The following FAM83D variants were observed in gnomAD, a reference collection of about 807,000 sequenced individuals.
The protein encoded by FAM83D is protein FAM83D.
In FAM83D, 26 loss-of-function variants were observed where a neutral mutation model predicts 25.4. The observed-to-expected ratio is 1.02, with a 90% CI of 0.75 to 1.42. The LOEUF (loss-of-function observed/expected upper bound fraction) is 1.42, where lower values mean the gene tolerates loss of function less well. Ranked by LOEUF, FAM83D falls within the 40% of genes most tolerant of loss-of-function variation. FAM83D has a pLI of 0.00. For missense variants in FAM83D, 740 were observed against 758.1 expected (o/e 0.98, Z 0.28); for synonymous variants, 310 against 318.5 (o/e 0.97, Z 0.28).
rs151316853 is a variant in FAM83D at position 38,931,549 on chromosome 20, G to A, written c.483+4624G>A. 6.2e-4 allele frequency among the ~76,000 whole-genome samples: 94 copies of A among 152,368 alleles called. No homozygotes were observed. The East Asian group carries it at 0.018, about 28-fold the overall frequency. The stretch of plus-strand genomic sequence containing the variant: ...GAGGTTGGGGCCAGGCTGCAGTAGA[G>A]CACGGTCGAACCTCAGTGTTCGCTC... On this transcript the variant is annotated intron_variant, in intron 1 of 3. Transcript: ENST00000619850.
In FAM83D at chr20:38,951,823, G is replaced by A; in HGVS notation, c.1061G>A (p.Gly354Asp). 6.2e-7 allele frequency: 1 copy of A among 1,614,188 alleles called. No individual in the cohort carries two copies. The change falls in exon 4 of 4, where the codon GGC (glycine) becomes GAC (aspartate). Residue 354 changes from glycine (G) to aspartate (D), a missense_variant. This residue lies in a region of FAM83D where 375 missense variants were observed against 403.2 expected (regional missense o/e 0.93). Coordinates refer to ENST00000619850, the MANE Select transcript of FAM83D (RefSeq NM_030919.3). Reference sequence around the variant, plus strand: ...CTGGACCCAGAGATGCCCGCAGAGGGCAAGGCAGAGCGCAAGCCCCATGAC... The same window carrying A: ...CTGGACCCAGAGATGCCCGCAGAGGACAAGGCAGAGCGCAAGCCCCATGAC... Reference protein sequence around the residue: ...ADLDPEMPAEGKAERKPHDCE... With the variant: ...ADLDPEMPAEDKAERKPHDCE...
Position 38,929,614 on chromosome 20 carries a change from TA to T in FAM83D, c.483+2705del, listed in dbSNP as rs769568783. The stretch of plus-strand genomic sequence containing the variant: ...GGTCCCAAAGACAATCTCTTTTGTT[TA>T]AAAAAAAAAAAAAAAGCCAGGCCAT... On this transcript the variant is annotated intron_variant, in intron 1 of 3. Coordinates refer to ENST00000619850, the MANE Select transcript of FAM83D (RefSeq NM_030919.3). 8.3e-3 allele frequency among the ~76,000 whole-genome samples: 1,119 copies of T among 134,258 alleles called. 2 individuals are homozygous for T. Among genetic ancestry groups the T allele is most frequent in the African/African-American group, 0.014 (528 of 36,428 alleles). The allele number at this position is 134,258 out of a possible 152,430, so 88.1% of individuals were successfully genotyped here. A position where few individuals can be genotyped will look rare whatever the true frequency, so the allele number is the denominator to read the frequency against.
rs1269191670 is a variant in FAM83D, at chr20:38,945,750, AC to A, written c.652-2122del. Among the ~76,000 whole-genome samples, 14 of 51,712 alleles carry A rather than the reference AC, an allele frequency of 2.7e-4. No homozygotes were observed. In the Middle Eastern group the frequency reaches 0.033, roughly 120 times the overall value. The allele number at this position is 51,712 out of a possible 152,430, so 33.9% of individuals were successfully genotyped here. ...GACCTGCCCCCACCCCCCCCCCACC[AC>A]CCCACCCCCCGTTTTTTTTTTTAAG... On this transcript the variant is annotated intron_variant, in intron 2 of 3. Coordinates refer to ENST00000619850, the MANE Select transcript of FAM83D (RefSeq NM_030919.3).
intron 1 of FAM83D, among the ~76,000 whole-genome samples, chr20:38,933,957 C>T (rs976479987): frequency 1.3e-5 from 2 of 151,766 alleles, no homozygotes; most frequent in African/African-American, 4.8e-5. Flanking sequence ...CGGGTTCAAG[C>T]GATTCCCCTG....
At position 38,948,005 on chromosome 20, in the gene FAM83D, GTC is replaced by G. The variant is rs2085736074; in HGVS notation, c.776+9_776+10del. The stretch of plus-strand genomic sequence containing the variant: ...CGTGGCAACAGGCTCCTACAGGTAA[GTC>G]TCTAACCCGTCCAAGGCTTATTAAT... On this transcript the variant is annotated splice_donor_region_variant and intron_variant, in intron 3 of 3. Coordinates refer to ENST00000619850, the MANE Select transcript of FAM83D (RefSeq NM_030919.3). The G allele has an allele frequency of 1.2e-6, 2 of 1,613,982 alleles. No individual in the cohort carries two copies. Among genetic ancestry groups the G allele is most frequent in the Admixed American group, 1.7e-5 (1 of 59,996 alleles).
chr20:38,933,210 C>T (rs1309166852), intron 1 of FAM83D, among the ~76,000 whole-genome samples: 2 of 152,206 alleles, frequency 1.3e-5, no homozygotes, highest in Non-Finnish European at 2.9e-5. Flanking sequence ...CCCCCATTCA[C>T]TCGATGCCAA....
chr20:38,946,543 A>G (rs1161963389), intron 2 of FAM83D, among the ~76,000 whole-genome samples: 1 of 152,188 alleles, frequency 6.6e-6, no homozygotes, highest in Non-Finnish European at 1.5e-5. Flanking sequence ...TTCCATCACC[A>G]CAAAGATCTC....
At position 38,926,751 on chromosome 20, in the gene FAM83D, C is replaced by G. The variant is rs1480214425; in HGVS notation, c.309C>G (p.Pro103=). ...SHDCSSGTYF[P]EQSDLEPPLL... ...ACTGCTCTTCGGGCACCTACTTCCCCGAGCAGTCGGACCTGGAGCCACCGC... is the reference window on the plus strand; with the variant it reads ...ACTGCTCTTCGGGCACCTACTTCCCGGAGCAGTCGGACCTGGAGCCACCGC... Residue 103 remains proline, a synonymous_variant, in exon 1 of 4, where the codon CCC becomes CCG. Coordinates refer to ENST00000619850, the MANE Select transcript of FAM83D (RefSeq NM_030919.3). The G allele has an allele frequency of 1.3e-6, 2 of 1,538,528 alleles. No homozygotes were observed. The highest frequency in any genetic ancestry group is 1.7e-6 in the Non-Finnish European group (2 of 1,148,928).
chr20:38,942,397 A>T (rs1013750744), intron 2 of FAM83D, among the ~76,000 whole-genome samples: 2 of 152,246 alleles, frequency 1.3e-5, no homozygotes, highest in Non-Finnish European at 2.9e-5. Flanking sequence ...CAAAGAGTGG[A>T]AACAATCCAA....
At chr20:38,947,217 G>A (rs2085732188) in intron 2 of FAM83D, among the ~76,000 whole-genome samples, 2 of 152,190 alleles carry the variant, frequency 1.3e-5, no homozygotes, top group South Asian at 4.1e-4. Flanking sequence ...GCATACATGT[G>A]CAGTATATTG....
In FAM83D at chr20:38,926,537, G is replaced by T; in HGVS notation, c.95G>T (p.Arg32Leu). 1 of 1,587,022 alleles carries T rather than the reference G, an allele frequency of 6.3e-7. No individual in the cohort carries two copies. The change falls in exon 1 of 4, where the codon CGG (arginine) becomes CTG (leucine). Residue 32 changes from arginine to leucine, a missense_variant. Coordinates refer to ENST00000619850, the MANE Select transcript of FAM83D (RefSeq NM_030919.3). ...PNPTELFSES[R>L]RLALEELVAG... ...CCGACCGAGCTGTTCAGCGAGTCAC[G>T]GCGCCTGGCTCTGGAGGAGCTGGTG...
intron 3 of FAM83D, among the ~76,000 whole-genome samples, chr20:38,948,684 G>C (rs1220408209): frequency 1.3e-5 from 2 of 152,180 alleles, no homozygotes; most frequent in Non-Finnish European, 2.9e-5. Context: ...ATTGTCTGAT[G>C]GTTTGCATGA....
intron 1 of FAM83D, among the ~76,000 whole-genome samples, chr20:38,937,993 C>A (rs919652844): frequency 6.6e-6 from 1 of 152,104 alleles, no homozygotes; most frequent in Admixed American, 6.5e-5. Context: ...TTTTAAGAGT[C>A]CTGCTTTAGT....
chr20:38,944,225 C>A (rs1329615078), intron 2 of FAM83D, among the ~76,000 whole-genome samples: 1 of 152,124 alleles, frequency 6.6e-6, no homozygotes, highest in African/African-American at 2.4e-5. Context: ...CTTATTATTA[C>A]CAAGCAATTT....
chr20:38,937,936 C>T (rs374498990), intron 1 of FAM83D, among the ~76,000 whole-genome samples: 51 of 152,184 alleles, frequency 3.4e-4, no homozygotes, highest in South Asian at 2.7e-3. Flanking sequence ...CCAGCCTGGG[C>T]GACAGGGTGA....
At chr20:38,947,712 C>CTAGT (rs1337897885) in intron 2 of FAM83D, among the ~76,000 whole-genome samples, 164 bp from the exon 3 acceptor site, 1 of 152,208 alleles carries the variant, frequency 6.6e-6, no homozygotes, top group Non-Finnish European at 1.5e-5. Context: ...AACTGTCTGG[C>CTAGT]TAGTGTACCA....
chr20:38,941,933 T>C (rs1351918256), intron 1 of FAM83D, 26 bp from the exon 2 acceptor site: 3 of 1,612,658 alleles, frequency 1.9e-6, no homozygotes, highest in African/African-American at 2.7e-5. Flanking sequence ...AAGCTTATCA[T>C]GTGCTCTTCC....
chr20:38,930,362 C>T (rs2085653854), intron 1 of FAM83D, among the ~76,000 whole-genome samples: 1 of 152,192 alleles, frequency 6.6e-6, no homozygotes, highest in African/African-American at 2.4e-5. Context: ...AAGAAAAGAC[C>T]AGGCACAGAG....
At chr20:38,938,462 T>C (rs896098936) in intron 1 of FAM83D, among the ~76,000 whole-genome samples, 1 of 152,248 alleles carries the variant, frequency 6.6e-6, no homozygotes, top group Non-Finnish European at 1.5e-5. Flanking sequence ...CCTGCCTCGA[T>C]TGGGTCCACA....
Sources: allele counts gnomAD v4.1 joint callset (sites outside exome capture counted in the v4.1 genomes callset), GRCh38; gene constraint gnomAD v4.1.1; regional missense constraint gnomAD v4.1.1; transcripts MANE v1.5; gene names NCBI Gene and HGNC (gene_info 2026-07-23, HGNC 2026-07-21).